IGSF11: variants seen among roughly 807,000 people sequenced by gnomAD.
IGSF11 encodes CXADR like 1.
In IGSF11, 22 loss-of-function variants were observed where a neutral mutation model predicts 41.0. The observed-to-expected ratio is 0.54, with a 90% CI of 0.38 to 0.77. The LOEUF (loss-of-function observed/expected upper bound fraction) is 0.77, where lower values mean the gene tolerates loss of function less well. Ranked by LOEUF, IGSF11 falls within the 30% of genes least tolerant of loss-of-function variation. The pLI, the probability that IGSF11 is intolerant of heterozygous loss-of-function variation, is 0.00. For missense variants in IGSF11, 444 were observed against 530.8 expected (o/e 0.84, Z 1.61); for synonymous variants, 219 against 201.3 (o/e 1.09, Z -0.74).
intron 1 of IGSF11, among the ~76,000 whole-genome samples, chr3:119,113,438 C>A (rs1030121768): frequency 1.3e-5 from 2 of 152,324 alleles, no homozygotes; most frequent in Non-Finnish European, 2.9e-5. Flanking sequence ...AAAGGAGCTA[C>A]AGGTCCCATG....
chr3:119,012,019 TAC>T (rs777331775), intron 1 of IGSF11, among the ~76,000 whole-genome samples: 2 of 151,766 alleles, frequency 1.3e-5, no homozygotes, highest in African/African-American at 2.4e-5. Flanking sequence ...CAATATAGTG[TAC>T]ACACACACAG....
intron 1 of IGSF11, among the ~76,000 whole-genome samples, chr3:119,076,565 G>GA (rs1414548350): frequency 6.6e-6 from 1 of 151,868 alleles, no homozygotes; most frequent in Non-Finnish European, 1.5e-5. Flanking sequence ...AAATTTACAA[G>GA]AAAAAAACAA....
chr3:119,070,857 C>A (rs1489109494), intron 1 of IGSF11, among the ~76,000 whole-genome samples: 2 of 152,082 alleles, frequency 1.3e-5, no homozygotes, highest in Non-Finnish European at 1.5e-5. Flanking sequence ...ATATTCATGA[C>A]AGGAGGCTCT....
At chr3:119,108,308 C>T (rs2077073508), upstream of IGSF11, among the ~76,000 whole-genome samples, 2 of 138,212 alleles carry the variant, frequency 1.4e-5, no homozygotes, top group Admixed American at 1.4e-4. Context: ...CTTCACATCT[C>T]TTGTAAGTTG....
intron 1 of IGSF11, among the ~76,000 whole-genome samples, chr3:119,029,193 C>G (rs1400399267): frequency 6.7e-6 from 1 of 149,170 alleles, no homozygotes; most frequent in Non-Finnish European, 1.5e-5. Flanking sequence ...CACACACACA[C>G]ACACACACAC....
intron 1 of IGSF11, among the ~76,000 whole-genome samples, chr3:118,978,497 G>T (rs1360732655): frequency 1.3e-5 from 2 of 152,148 alleles, no homozygotes; most frequent in Non-Finnish European, 2.9e-5. Context: ...AGCCTGCCTG[G>T]ACCCGCTAAC....
At chr3:119,111,040 A>T (rs2077148144) in intron 1 of IGSF11, among the ~76,000 whole-genome samples, 1 of 151,656 alleles carries the variant, frequency 6.6e-6, no homozygotes, top group Non-Finnish European at 1.5e-5. Context: ...CCTTCATTTC[A>T]ACTTTGGTGA....
chr3:118,952,574 G>A (rs901022150), intron 1 of IGSF11, among the ~76,000 whole-genome samples: 6 of 152,032 alleles, frequency 3.9e-5, no homozygotes, highest in Admixed American at 2.6e-4. Flanking sequence ...GTTTTATCAT[G>A]AGATTGCAAC....
At position 119,032,805 on chromosome 3, in the gene IGSF11, C is replaced by T. The variant is rs750831642; in HGVS notation, c.52+1726G>A. Among the ~76,000 whole-genome samples, 34 of 152,202 alleles carry T rather than the reference C, an allele frequency of 2.2e-4. 1 individual carries two copies. Among genetic ancestry groups the T allele is most frequent in the Non-Finnish European group, 2.2e-4 (15 of 68,036 alleles). Reference sequence around the variant, plus strand: ...ATAAATTATTTGTGCATGCTTACAGCCTGTTTTAAAAATGCAAACTCCTTA... The same window carrying T: ...ATAAATTATTTGTGCATGCTTACAGTCTGTTTTAAAAATGCAAACTCCTTA... On this transcript the variant is annotated intron_variant, in intron 1 of 6. Coordinates refer to ENST00000393775, the MANE Select transcript of IGSF11 (RefSeq NM_001015887.3).
At chr3:118,930,017 T>A in intron 2 of IGSF11, 95 bp downstream of exon 2, 2 of 1,278,184 alleles carry the variant, frequency 1.6e-6, no homozygotes, top group Non-Finnish European at 2.2e-6. Context: ...TGCCACCTTA[T>A]TCTCGAAACC....
intron 1 of IGSF11, among the ~76,000 whole-genome samples, chr3:119,021,701 T>C (rs1423669008): frequency 2.6e-5 from 4 of 152,012 alleles, no homozygotes; most frequent in Admixed American, 1.3e-4. Context: ...GGGCTGTAGG[T>C]TGAAATATGA....
At chr3:118,950,164 C>T (rs1944467012) in intron 1 of IGSF11, among the ~76,000 whole-genome samples, 1 of 152,162 alleles carries the variant, frequency 6.6e-6, no homozygotes, top group Admixed American at 6.5e-5. Flanking sequence ...CACATACACA[C>T]TCACTCTATA....
chr3:118,961,746 AG>A (rs1441720401), intron 1 of IGSF11, among the ~76,000 whole-genome samples: 1 of 152,198 alleles, frequency 6.6e-6, no homozygotes, highest in African/African-American at 2.4e-5. Context: ...ATAATAGTAT[AG>A]CTCACTAAAA....
At chr3:119,082,030 T>C (rs1265682612) in intron 1 of IGSF11, among the ~76,000 whole-genome samples, 1 of 152,166 alleles carries the variant, frequency 6.6e-6, no homozygotes, top group African/African-American at 2.4e-5. Flanking sequence ...CCTACATTCA[T>C]GGTCCTGAGA....
At chr3:119,072,256 T>A (rs996677327) in intron 1 of IGSF11, among the ~76,000 whole-genome samples, 1 of 152,240 alleles carries the variant, frequency 6.6e-6, no homozygotes, top group Non-Finnish European at 1.5e-5. Flanking sequence ...CAAATAAGCC[T>A]TTTTAAAAAT....
intron 1 of IGSF11, among the ~76,000 whole-genome samples, chr3:118,986,062 T>C (rs532662469): frequency 6.9e-4 from 105 of 152,310 alleles, no homozygotes; most frequent in African/African-American, 2.4e-3. Flanking sequence ...CCTGAACAAT[T>C]TGCAGTTACA....
chr3:118,949,589 T>G (rs1252806336), intron 1 of IGSF11, among the ~76,000 whole-genome samples: 3 of 152,234 alleles, frequency 2.0e-5, no homozygotes, highest in Non-Finnish European at 4.4e-5. Context: ...ATCTGTTATC[T>G]TTCCTTTGAG....
At chr3:119,059,179 TCACACACA>T (rs144416307) in intron 1 of IGSF11, among the ~76,000 whole-genome samples, 3 of 147,840 alleles carry the variant, frequency 2.0e-5, no homozygotes, top group African/African-American at 2.5e-5. Context: ...TATACACAGA[TCACACACA>T]CACACACACA....
At chr3:119,105,197 T>C in exon 1 of IGSF11, 1 of 1,600,898 alleles carries the variant, frequency 6.2e-7, no homozygotes, top group South Asian at 1.1e-5. Flanking sequence ...AGACATTTAT[T>C]CTTCTTGCCT....
Sources: allele counts gnomAD v4.1 joint callset (sites outside exome capture counted in the v4.1 genomes callset), GRCh38; gene constraint gnomAD v4.1.1; transcripts MANE v1.5; gene names NCBI Gene and HGNC (gene_info 2026-07-23, HGNC 2026-07-21).